RALGAPA1: variants seen among roughly 807,000 people sequenced by gnomAD.
The protein encoded by RALGAPA1 is Ral GTPase activating protein catalytic subunit alpha 1, also known as ral GTPase-activating protein subunit alpha-1.
A neutral mutation model predicts 269.6 loss-of-function variants in RALGAPA1; 52 were observed. The observed-to-expected ratio is 0.19, with a 90% confidence interval of 0.15 to 0.24. The LOEUF is 0.24. RALGAPA1 is among the 10% of genes least tolerant of loss of function. RALGAPA1 has a pLI of 1.00. For missense variants in RALGAPA1, 1,917 were observed against 3,013.9 expected (o/e 0.64, Z 8.52); for synonymous variants, 817 against 1,008.3 (o/e 0.81, Z 3.60).
chr14:35,776,147 C>A (rs1048135083), intron 1 of RALGAPA1, among the ~76,000 whole-genome samples: 1 of 152,070 alleles, frequency 6.6e-6, no homozygotes, highest in Non-Finnish European at 1.5e-5. Context: ...TTTGGGAGGC[C>A]AAGGTGGGCA....
chr14:35,660,127 C>T (rs1393591266), intron 27 of RALGAPA1, among the ~76,000 whole-genome samples: 1 of 152,036 alleles, frequency 6.6e-6, no homozygotes, highest in African/African-American at 2.4e-5. Flanking sequence ...TAAAGATGCT[C>T]ACTCTCGCCA....
intron 37 of RALGAPA1, among the ~76,000 whole-genome samples, chr14:35,577,046 T>C (rs2057611395): frequency 1.3e-5 from 2 of 152,272 alleles, no homozygotes; most frequent in East Asian, 3.9e-4. Context: ...ACAAATTAAG[T>C]TATTTTGATG....
chr14:35,575,419 TGTACAAGTGAA>T (rs1460563593), intron 37 of RALGAPA1, among the ~76,000 whole-genome samples: 4 of 152,222 alleles, frequency 2.6e-5, no homozygotes, highest in Admixed American at 2.6e-4. Flanking sequence ...ATTTAACATG[TGTACAAGTGAA>T]GTCCTCAAAT....
At chr14:35,773,815 C>A (rs1567202925) in intron 3 of RALGAPA1, among the ~76,000 whole-genome samples, 1 of 151,948 alleles carries the variant, frequency 6.6e-6, no homozygotes, top group African/African-American at 2.4e-5. Context: ...AAAAAAAATT[C>A]TTTTTTTCCC....
At chr14:35,761,722 C>T (rs1047776252) in intron 5 of RALGAPA1, among the ~76,000 whole-genome samples, 7 of 152,134 alleles carry the variant, frequency 4.6e-5, no homozygotes, top group African/African-American at 1.7e-4. Flanking sequence ...AAAATTCAAT[C>T]TCTGACAAGC....
At chr14:35,762,506 T>A (rs1208777362) in intron 5 of RALGAPA1, among the ~76,000 whole-genome samples, 1 of 152,182 alleles carries the variant, frequency 6.6e-6, no homozygotes, top group African/African-American at 2.4e-5. Flanking sequence ...TCCACCCACC[T>A]CAGCCTCCCA....
chr14:35,702,743 A>AC (rs1555409698), intron 16 of RALGAPA1, among the ~76,000 whole-genome samples: 1 of 141,790 alleles, frequency 7.1e-6, no homozygotes. Flanking sequence ...ATATATATAC[A>AC]TTTTTTTTTT....
chr14:35,730,500 C>A (rs2070375642), intron 12 of RALGAPA1, among the ~76,000 whole-genome samples: 1 of 121,944 alleles, frequency 8.2e-6, no homozygotes, highest in African/African-American at 2.6e-5. Context: ...GTTCTCAAAC[C>A]CTGCTCGCCC....
chr14:35,643,274 A>G (rs1339267801), intron 31 of RALGAPA1, among the ~76,000 whole-genome samples: 1 of 152,190 alleles, frequency 6.6e-6, no homozygotes, highest in South Asian at 2.1e-4. Context: ...TGGCACATGT[A>G]TACATATGTA....
chr14:35,784,877 G>T (rs989343272), intron 1 of RALGAPA1, among the ~76,000 whole-genome samples: 1 of 152,080 alleles, frequency 6.6e-6, no homozygotes, highest in Non-Finnish European at 1.5e-5. Flanking sequence ...GATGATAGGC[G>T]AGTAATCAAA....
intron 35 of RALGAPA1, among the ~76,000 whole-genome samples, chr14:35,613,855 C>A (rs1029199904): frequency 6.6e-6 from 1 of 152,102 alleles, no homozygotes; most frequent in Non-Finnish European, 1.5e-5. Context: ...CAACCCAGTA[C>A]ACATTTAAAT....
intron 16 of RALGAPA1, among the ~76,000 whole-genome samples, chr14:35,712,707 A>G (rs903443843): frequency 2.6e-5 from 4 of 152,122 alleles, no homozygotes; most frequent in Non-Finnish European, 5.9e-5. Flanking sequence ...GGGTCTCACT[A>G]TGTTGCTCAG....
chr14:35,643,013 T>C (rs1399358098), intron 31 of RALGAPA1, among the ~76,000 whole-genome samples: 1 of 152,026 alleles, frequency 6.6e-6, no homozygotes, highest in African/African-American at 2.4e-5. Flanking sequence ...ATAAAAAGGA[T>C]GAGTTCATGT....
intron 31 of RALGAPA1, among the ~76,000 whole-genome samples, chr14:35,636,760 ATCTG>A (rs1385937618): frequency 6.6e-6 from 1 of 152,190 alleles, no homozygotes. Flanking sequence ...GCCTCAAGTG[ATCTG>A]TCTGCCTTGG....
chr14:35,785,820 AAC>A (rs2075757495), intron 1 of RALGAPA1, among the ~76,000 whole-genome samples: 1 of 152,182 alleles, frequency 6.6e-6, no homozygotes, highest in Non-Finnish European at 1.5e-5. Flanking sequence ...GAACTGTAAT[AAC>A]AGTCAGTAAA....
intron 22 of RALGAPA1, chr14:35,677,607 T>C (rs2065058686): frequency 4.6e-6 from 1 of 215,344 alleles, no homozygotes; most frequent in Admixed American, 6.3e-5. Context: ...TCCTGTGAGT[T>C]ACTAGGTTCT....
chr14:35,622,538 C>T (rs1338321826), intron 35 of RALGAPA1, among the ~76,000 whole-genome samples: 1 of 151,972 alleles, frequency 6.6e-6, no homozygotes, highest in Non-Finnish European at 1.5e-5. Context: ...TAAATATATA[C>T]ACTTACAATG....
At chr14:35,801,244 GACACACACACACACAC>G (rs201700521) in intron 1 of RALGAPA1, among the ~76,000 whole-genome samples, 9,978 of 135,086 alleles carry the variant, frequency 0.074, 531 homozygotes, top group East Asian at 0.26. Flanking sequence ...TATATACACA[GACACACACACACACAC>G]ACACACACAC....
At chr14:35,652,749 T>C (rs564707278) in intron 30 of RALGAPA1, among the ~76,000 whole-genome samples, 2 of 152,234 alleles carry the variant, frequency 1.3e-5, no homozygotes, top group South Asian at 4.1e-4. Context: ...CTGAATATTA[T>C]TTGAATAAAT....
Sources: allele counts gnomAD v4.1 joint callset (sites outside exome capture counted in the v4.1 genomes callset), GRCh38; gene constraint gnomAD v4.1.1; transcripts MANE v1.5; gene names NCBI Gene and HGNC (gene_info 2026-07-23, HGNC 2026-07-21).